The following NRXN1 variants were observed in gnomAD, a reference collection of about 807,000 sequenced individuals.
The protein encoded by NRXN1 is neurexin 1.
In NRXN1, 39 loss-of-function variants were observed where a neutral mutation model predicts 150.9. The observed-to-expected ratio is 0.26, with a 90% CI of 0.20 to 0.34. The LOEUF (loss-of-function observed/expected upper bound fraction) is 0.34. NRXN1 is among the 10% of genes least tolerant of loss of function. The probability of loss-of-function intolerance (pLI) is 1.00; values close to 1 mark genes in which losing one functional copy is unlikely to be tolerated. For synonymous variants in NRXN1, 924 were observed against 757.0 expected (o/e 1.22, Z -3.62); for missense variants, 1,815 against 1,949.9 (o/e 0.93, Z 1.30).
rs150310372 is a variant in NRXN1 at position 50,107,520 on chromosome 2, C to CATATATATATAT, written c.3547-16038_3547-16027dup. Among the ~76,000 whole-genome samples, 192 of 136,014 alleles carry CATATATATATAT rather than the reference C, an allele frequency of 1.4e-3. 1 individual carries two copies. Among genetic ancestry groups the CATATATATATAT allele is most frequent in the African/African-American group, 5.2e-3 (186 of 35,816 alleles). 89.2% of individuals were successfully genotyped at this position (136,014 alleles called of 152,430 possible). A position where few individuals can be genotyped will look rare whatever the true frequency, so the allele number is the denominator to read the frequency against. ...TTGTCACATGCTACATTCCAGACTA[C>CATATATATATAT]ATATATATATATATATATATTTTTT... is the stretch of plus-strand genomic sequence containing the variant. On this transcript the variant is annotated intron_variant, in intron 18 of 22. Coordinates refer to ENST00000401669, the MANE Select transcript of NRXN1 (RefSeq NM_001330078.2).
At chr2:50,015,102 T>C (rs1366030396) in intron 21 of NRXN1, among the ~76,000 whole-genome samples, 1 of 152,142 alleles carries the variant, frequency 6.6e-6, no homozygotes, top group Non-Finnish European at 1.5e-5. Flanking sequence ...TCATCATTTC[T>C]TCTAGGCTTT....
chr2:50,325,317 C>G (rs1291512430), intron 17 of NRXN1, among the ~76,000 whole-genome samples: 1 of 152,180 alleles, frequency 6.6e-6, no homozygotes, highest in Non-Finnish European at 1.5e-5. Flanking sequence ...AAAGCCATTC[C>G]TATGGATTGG....
chr2:50,945,035 T>C (rs142261103), intron 2 of NRXN1, among the ~76,000 whole-genome samples: 1 of 152,334 alleles, frequency 6.6e-6, no homozygotes, highest in African/African-American at 2.4e-5. Flanking sequence ...AGTCTCTACT[T>C]CAGACCATGA....
intron 18 of NRXN1, among the ~76,000 whole-genome samples, chr2:50,142,301 G>A (rs1457437269): frequency 2.0e-5 from 3 of 151,900 alleles, no homozygotes; most frequent in Admixed American, 6.6e-5. Context: ...CAGAGGCTGA[G>A]AAGGGTGTTC....
chr2:50,392,350 T>C (rs1269928267), intron 17 of NRXN1, among the ~76,000 whole-genome samples: 4 of 152,128 alleles, frequency 2.6e-5, no homozygotes, highest in East Asian at 3.9e-4. Flanking sequence ...TGAAATTACT[T>C]ACAGATTATC....
intron 5 of NRXN1, among the ~76,000 whole-genome samples, chr2:50,659,819 A>G (rs1017045582): frequency 1.3e-5 from 2 of 151,948 alleles, no homozygotes; most frequent in Middle Eastern, 3.4e-3. Flanking sequence ...AACATTTCAC[A>G]ATAAATTATA....
intron 5 of NRXN1, among the ~76,000 whole-genome samples, chr2:50,672,831 G>A (rs1689052159): frequency 6.6e-6 from 1 of 152,044 alleles, no homozygotes; most frequent in African/African-American, 2.4e-5. Context: ...TGCAATGGGA[G>A]ATCTCTTATG....
At chr2:50,854,073 G>A (rs1266130339) in intron 5 of NRXN1, among the ~76,000 whole-genome samples, 1 of 151,970 alleles carries the variant, frequency 6.6e-6, no homozygotes, top group Non-Finnish European at 1.5e-5. Context: ...ATTGGCAAAA[G>A]ACAAGATTGA....
intron 17 of NRXN1, among the ~76,000 whole-genome samples, chr2:50,450,682 A>G (rs2086875814): frequency 6.6e-6 from 1 of 152,166 alleles, no homozygotes; most frequent in Non-Finnish European, 1.5e-5. Context: ...ATCCTTGGAA[A>G]GTGAAACGAT....
At chr2:50,871,795 A>T (rs999262157) in intron 5 of NRXN1, among the ~76,000 whole-genome samples, 2 of 151,814 alleles carry the variant, frequency 1.3e-5, no homozygotes, top group Non-Finnish European at 2.9e-5. Context: ...TTAAGCAGAG[A>T]TGTCACATTC....
chr2:50,884,383 T>C (rs1679034196), intron 5 of NRXN1, among the ~76,000 whole-genome samples: 1 of 151,810 alleles, frequency 6.6e-6, no homozygotes, highest in African/African-American at 2.4e-5. Flanking sequence ...CCTAAATGAA[T>C]ACTTAAAATG....
chr2:50,935,293 C>T lies in NRXN1; in HGVS notation c.773-9338G>A, dbSNP rs977746844. 5.5e-4 allele frequency among the ~76,000 whole-genome samples: 84 copies of T among 152,048 alleles called. 2 individuals carry two copies. Among genetic ancestry groups the T allele is most frequent in the Non-Finnish European group, 2.9e-4 (20 of 68,004 alleles). ...TCAACATTTCTGTAAGACTTAAATA[C>T]AGCAGAGATAAGGCAATTGGATAAA... On this transcript the variant is annotated intron_variant, in intron 2 of 22. Transcript: ENST00000401669.
intron 5 of NRXN1, among the ~76,000 whole-genome samples, chr2:50,624,597 C>T (rs1332097856): frequency 6.6e-6 from 1 of 151,688 alleles, no homozygotes; most frequent in Non-Finnish European, 1.5e-5. Context: ...GTAAACAGAC[C>T]TCCTACAGAG....
intron 17 of NRXN1, among the ~76,000 whole-genome samples, chr2:50,354,207 C>T (rs2078624303): frequency 6.6e-6 from 1 of 152,052 alleles, no homozygotes; most frequent in Non-Finnish European, 1.5e-5. Flanking sequence ...TTGTTCTCAT[C>T]TCACACCATG....
intron 8 of NRXN1, among the ~76,000 whole-genome samples, chr2:50,585,449 T>C (rs1399240527): frequency 6.6e-6 from 1 of 152,142 alleles, no homozygotes; most frequent in African/African-American, 2.4e-5. Flanking sequence ...TATCTGTTGC[T>C]CAACAATGTG....
chr2:50,987,093 G>A (rs531884841), intron 2 of NRXN1, among the ~76,000 whole-genome samples: 3 of 151,778 alleles, frequency 2.0e-5, no homozygotes, highest in Non-Finnish European at 3.0e-5. Flanking sequence ...TAAACAAGAG[G>A]AGAAAACTTT....
At chr2:50,761,397 T>C (rs1437888987) in intron 5 of NRXN1, among the ~76,000 whole-genome samples, 1 of 151,746 alleles carries the variant, frequency 6.6e-6, no homozygotes, top group Non-Finnish European at 1.5e-5. Context: ...TCTCATGAGA[T>C]GTGATGGTTT....
chr2:50,023,634 T>C (rs1359565548), intron 21 of NRXN1: 1 of 152,184 alleles, frequency 6.6e-6, no homozygotes, highest in Non-Finnish European at 1.5e-5. Flanking sequence ...ATTGACCTTT[T>C]AAAGAGCAAT....
intron 5 of NRXN1, among the ~76,000 whole-genome samples, chr2:50,723,529 G>A (rs925899641): frequency 3.9e-5 from 6 of 152,178 alleles, no homozygotes; most frequent in African/African-American, 1.4e-4. Context: ...GAATCTAGGA[G>A]GAAAGCCAAA....
Sources: allele counts gnomAD v4.1 joint callset (sites outside exome capture counted in the v4.1 genomes callset), GRCh38; gene constraint gnomAD v4.1.1; transcripts MANE v1.5; gene names NCBI Gene and HGNC (gene_info 2026-07-23, HGNC 2026-07-21).